The following SMAD9 variants were observed in gnomAD, a reference collection of about 807,000 sequenced individuals.
SMAD9 encodes the protein MAD homolog 9.
SMAD9 carries 36 observed loss-of-function variants against 46.1 expected under a neutral mutation model. The observed-to-expected ratio is 0.78, with a 90% CI of 0.60 to 1.03. SMAD9 has a LOEUF of 1.03. Among genes scored for constraint, SMAD9 ranks in the 50% least tolerant of loss-of-function variants. The pLI, the probability that SMAD9 is intolerant of heterozygous loss-of-function variation, is 0.00. For missense variants in SMAD9, 572 were observed against 599.8 expected, an observed-to-expected ratio of 0.95 and a Z score of 0.48; for synonymous variants, 245 against 237.1, an observed-to-expected ratio of 1.03 and a Z score of -0.31.
At chr13:36,920,579 G>A (rs1210482526), upstream of SMAD9, 1 of 152,230 alleles carries the variant, frequency 6.6e-6, no homozygotes, top group African/African-American at 2.4e-5. Context: ...GCCCGGGGGT[G>A]GGGTGGGAGC....
At chr13:36,887,506 A>G (rs952028981) in intron 1 of SMAD9, among the ~76,000 whole-genome samples, 3 of 152,070 alleles carry the variant, frequency 2.0e-5, no homozygotes, top group African/African-American at 7.2e-5. Context: ...TACAGGTGTG[A>G]GCCATTGCGC....
intron 6 of SMAD9, chr13:36,849,378 CTATATGT>C (rs1278661056): frequency 1.3e-5 from 2 of 153,546 alleles, no homozygotes; most frequent in Admixed American, 6.4e-5. Context: ...ATATTTTTCT[CTATATGT>C]TATATATCAA....
At chr13:36,848,866 A>G (rs1566328335) in intron 6 of SMAD9, 47 bp from the exon 7 acceptor site, 1 of 1,600,552 alleles carries the variant, frequency 6.2e-7, no homozygotes, top group Non-Finnish European at 8.5e-7. Flanking sequence ...ACTTACACTC[A>G]GCCTCCAGAG....
In SMAD9 at chr13:36,845,943, G is replaced by A. The variant is rs1467816052; in HGVS notation, c.*2733C>T. 1.1e-4 allele frequency: 16 copies of A among 152,028 alleles called. No individual in the cohort carries two copies. Among genetic ancestry groups the A allele is most frequent in the Admixed American group, 1.0e-3 (16 of 15,266 alleles). 9.4% of individuals were successfully genotyped at this position (152,028 alleles called of 1,614,324 possible). On this transcript the variant is annotated 3_prime_UTR_variant, in exon 7 of 7. Transcript: ENST00000379826. Reference sequence around the variant, plus strand: ...TGTTCTGGCTTCCCAAAGCTGCAGGGAAATACAAGTTTTTTGTTTCTTGAT... The same window carrying A: ...TGTTCTGGCTTCCCAAAGCTGCAGGAAAATACAAGTTTTTTGTTTCTTGAT...
intron 5 of SMAD9, among the ~76,000 whole-genome samples, chr13:36,861,631 T>A (rs981851400): frequency 2.0e-5 from 3 of 150,048 alleles, no homozygotes; most frequent in Non-Finnish European, 3.0e-5. Flanking sequence ...AAAGAATTTT[T>A]AAAAATGATA....
At chr13:36,854,180 T>TA (rs920484284) in intron 5 of SMAD9, among the ~76,000 whole-genome samples, 3 of 151,464 alleles carry the variant, frequency 2.0e-5, no homozygotes, top group African/African-American at 7.3e-5. Flanking sequence ...TAAATAAAAA[T>TA]AAAAAAATAA....
intron 2 of SMAD9, among the ~76,000 whole-genome samples, chr13:36,877,979 T>A (rs1449102495): frequency 6.6e-6 from 1 of 152,192 alleles, no homozygotes; most frequent in Non-Finnish European, 1.5e-5. Context: ...TTTCCTGGGA[T>A]GAGGCAGATG....
intron 5 of SMAD9, among the ~76,000 whole-genome samples, chr13:36,856,943 C>T (rs2058132409): frequency 6.6e-6 from 1 of 151,866 alleles, no homozygotes; most frequent in South Asian, 2.1e-4. Context: ...GCTGGGATTA[C>T]AGGCGCCTGC....
Position 36,872,669 on chromosome 13 carries a change from TAGGGACTCTCTGGCTCAG to T in SMAD9, c.641_658del (p.Ser214_Pro219del). 6.2e-7 allele frequency: 1 copy of T among 1,614,022 alleles called. No individual in the cohort carries two copies. On this transcript the variant is annotated inframe_deletion, in exon 3 of 7. Transcript: ENST00000379826. ...TAGTTCTTACTGACCTGAGTGTTGA[TAGGGACTCTCTGGCTCAG>T]AAGGACTTCCTGGGGAGTGAGGGTA...
Position 36,845,346 on chromosome 13 carries a change from T to C in SMAD9, c.*3330A>G, listed in dbSNP as rs1039807506. On this transcript the variant is annotated 3_prime_UTR_variant, in exon 7 of 7. Coordinates refer to ENST00000379826, the MANE Select transcript of SMAD9 (RefSeq NM_001127217.3). ...ACAAAACAAAACAAAACATAAGGTATATGTGTTAAGTAGTGACATCTTTAT... is the reference window on the plus strand; with the variant it reads ...ACAAAACAAAACAAAACATAAGGTACATGTGTTAAGTAGTGACATCTTTAT... 1 of 152,192 alleles carries C rather than the reference T, an allele frequency of 6.6e-6. No individual in the cohort carries two copies. The highest frequency in any genetic ancestry group is 2.4e-5 in the African/African-American group (1 of 41,440). The allele number at this position is 152,192 out of a possible 1,614,324, so 9.4% of individuals were successfully genotyped here.
In SMAD9 at chr13:36,848,745, T is replaced by G. The variant is rs75169849; in HGVS notation, c.1335A>C (p.Pro445=). ...TCAGAACTTTGTCCAGCCACTGCAG[T>G]GGCCCATGAAGATGAATCTCAATCC... ...PCWIEIHLHG[P]LQWLDKVLTQ... Residue 445 remains proline (P), a synonymous_variant, in exon 7 of 7, where the codon CCA becomes CCC. Transcript: ENST00000379826. 5 of 1,613,876 alleles carry G rather than the reference T, an allele frequency of 3.1e-6. No homozygotes were observed. Among genetic ancestry groups the G allele is most frequent in the African/African-American group, 1.3e-5 (1 of 74,916 alleles).
chr13:36,893,537 T>C (rs1211482106), intron 1 of SMAD9, among the ~76,000 whole-genome samples: 3 of 150,822 alleles, frequency 2.0e-5, no homozygotes, highest in Non-Finnish European at 4.4e-5. Context: ...ATAACCCAAA[T>C]ATCCATCGAC....
At chr13:36,859,688 C>T (rs9594174) in intron 5 of SMAD9, among the ~76,000 whole-genome samples, 66,132 of 152,048 alleles carry the variant, frequency 0.43, 16,920 homozygotes, top group Admixed American at 0.59. Flanking sequence ...CAGCCAGGCA[C>T]GGTGGCTCAC....
chr13:36,903,126 GT>G (rs375828906), intron 1 of SMAD9, among the ~76,000 whole-genome samples: 19,601 of 127,274 alleles, frequency 0.15, 1,132 homozygotes, highest in Non-Finnish European at 0.21. Context: ...TTTTCTTTTG[GT>G]TTTTTTTTTT....
intron 3 of SMAD9, among the ~76,000 whole-genome samples, chr13:36,872,237 T>C (rs1337287829): frequency 2.6e-5 from 4 of 151,840 alleles, no homozygotes. Flanking sequence ...GCATATGTTT[T>C]AGGCAAGGGC....
At chr13:36,853,749 C>T in intron 5 of SMAD9, 74 bp from the exon 6 acceptor site, 1 of 1,513,322 alleles carries the variant, frequency 6.6e-7, no homozygotes, top group Non-Finnish European at 9.1e-7. Context: ...TCCTGAAACC[C>T]TAGGAGATGT....
chr13:36,860,748 C>T (rs1401801570), intron 5 of SMAD9, among the ~76,000 whole-genome samples: 1 of 151,980 alleles, frequency 6.6e-6, no homozygotes, highest in Admixed American at 6.5e-5. Flanking sequence ...CCACCACGCC[C>T]GGCCACCAGC....
At chr13:36,853,362 C>T (rs1388564021) in intron 6 of SMAD9, 57 bp downstream of exon 6, 1 of 1,588,656 alleles carries the variant, frequency 6.3e-7, no homozygotes, top group Non-Finnish European at 8.6e-7. Context: ...AGTCAGGGTG[C>T]TTTTTTGTTT....
At chr13:36,904,828 G>A (rs2058605205) in intron 1 of SMAD9, among the ~76,000 whole-genome samples, 1 of 152,220 alleles carries the variant, frequency 6.6e-6, no homozygotes, top group Non-Finnish European at 1.5e-5. Flanking sequence ...CATAAAAGAG[G>A]TGTTCAATAA....
Sources: gnomAD v4.1 joint callset for allele counts (sites outside exome capture counted in the v4.1 genomes callset) on GRCh38, gnomAD v4.1.1 for gene constraint, MANE v1.5 for transcripts, NCBI Gene and HGNC (gene_info 2026-07-23, HGNC 2026-07-21) for gene names.